The following MR1 variants were observed in gnomAD, a reference collection of about 807,000 sequenced individuals.
MR1 encodes major histocompatibility complex, class I-related.
A neutral mutation model predicts 37.8 loss-of-function variants in MR1; 44 were observed. That is an observed-to-expected ratio of 1.16 (90% CI 0.91 to 1.50). The LOEUF (loss-of-function observed/expected upper bound fraction) is 1.50. MR1 is among the 40% of genes most tolerant of loss of function. MR1 has a pLI of 0.00. For synonymous variants in MR1, 153 were observed against 155.8 expected (o/e 0.98, Z 0.13); for missense variants, 386 against 419.1 (o/e 0.92, Z 0.69).
intron 1 of MR1, among the ~76,000 whole-genome samples, chr1:181,042,215 T>C (rs982236958): frequency 6.6e-6 from 1 of 151,170 alleles, no homozygotes; most frequent in African/African-American, 2.4e-5. Context: ...TTTTTTTTTT[T>C]TTTTGAGATG....
chr1:181,053,571 A>C lies in MR1; in HGVS notation c.881-2A>C. ...GATTTTTTCTCATTTGCTTGCTTTC[A>C]GAATCAGAAACTATCCCTCTTGTGA... On this transcript the variant is annotated splice_acceptor_variant, in intron 4 of 5. Transcript: ENST00000367580. LOFTEE classifies it high-confidence loss of function. 6.2e-7 allele frequency: 1 copy of C among 1,610,772 alleles called. No individual in the cohort carries two copies. Among genetic ancestry groups the C allele is most frequent in the Non-Finnish European group, 8.5e-7 (1 of 1,177,066 alleles).
chr1:181,056,435 A>G lies in MR1; in HGVS notation c.*1170A>G, dbSNP rs552376892. 8 of 152,006 alleles carry G rather than the reference A, an allele frequency of 5.3e-5. No homozygotes were observed. Among genetic ancestry groups the G allele is most frequent in the African/African-American group, 1.9e-4 (8 of 41,472 alleles). The allele number at this position is 152,006 out of a possible 1,614,324, so 9.4% of individuals were successfully genotyped here. On this transcript the variant is annotated 3_prime_UTR_variant, in exon 6 of 6. Coordinates refer to ENST00000367580, the MANE Select transcript of MR1 (RefSeq NM_001385161.1). ...ATATTTGGTGTCAGGAGAGGGCTCA[A>G]TTCTCATTTCTGCCTTTCCTGTGCT...
intron 1 of MR1, 21 bp downstream of exon 1, chr1:181,034,095 T>C: frequency 6.2e-7 from 1 of 1,607,258 alleles, no homozygotes; most frequent in South Asian, 1.1e-5. Context: ...CACGTCCTCT[T>C]CTCTCCTAAC....
In MR1 at chr1:181,053,572, G is replaced by A; in HGVS notation, c.881-1G>A. ...ATTTTTTCTCATTTGCTTGCTTTCA[G>A]AATCAGAAACTATCCCTCTTGTGAT... is the stretch of plus-strand genomic sequence containing the variant. On this transcript the variant is annotated splice_acceptor_variant, in intron 4 of 5. Transcript: ENST00000367580. LOFTEE classifies it high-confidence loss of function. 6.2e-7 allele frequency: 1 copy of A among 1,611,132 alleles called. No homozygotes were observed. The highest frequency in any genetic ancestry group is 8.5e-7 in the Non-Finnish European group (1 of 1,177,432).
intron 1 of MR1, among the ~76,000 whole-genome samples, chr1:181,034,292 C>T (rs1400636876): frequency 6.6e-6 from 1 of 152,152 alleles, no homozygotes; most frequent in African/African-American, 2.4e-5. Flanking sequence ...GAGGGGGAGC[C>T]GTTCTAGAAA....
chr1:181,043,401 C>A (rs941439983), intron 1 of MR1, among the ~76,000 whole-genome samples: 1 of 152,190 alleles, frequency 6.6e-6, no homozygotes, highest in African/African-American at 2.4e-5. Flanking sequence ...CACCCCAGCT[C>A]CAGGAGCAAG....
intron 1 of MR1, chr1:181,036,888 C>T (rs916067524): frequency 7.2e-5 from 11 of 152,136 alleles, no homozygotes; most frequent in Non-Finnish European, 1.2e-4. Context: ...ATAGAGAGCT[C>T]GGGCAGTAAT....
chr1:181,058,770 T>A lies in MR1; in HGVS notation c.*3505T>A, dbSNP rs1658765515. 6.6e-6 allele frequency: 1 copy of A among 152,302 alleles called. No homozygotes were observed. Among genetic ancestry groups the A allele is most frequent in the East Asian group, 1.9e-4 (1 of 5,204 alleles). 9.4% of individuals were successfully genotyped at this position (152,302 alleles called of 1,614,324 possible). A position where few individuals can be genotyped will look rare whatever the true frequency, so the allele number is the denominator to read the frequency against. On this transcript the variant is annotated 3_prime_UTR_variant, in exon 6 of 6. Transcript: ENST00000367580. ...GGGTCTTTGTCCTCACATATGCAGG[T>A]CTAGTGTCCCCACAAAGTGATCAGA...
At chr1:181,054,419 G>A (rs922256674) in intron 5 of MR1, among the ~76,000 whole-genome samples, 1 of 152,166 alleles carries the variant, frequency 6.6e-6, no homozygotes, top group Admixed American at 6.5e-5. Flanking sequence ...GGATAGTACC[G>A]ATGAGACCAT....
At chr1:181,045,807 T>G (rs1049407369) in intron 1 of MR1, among the ~76,000 whole-genome samples, 1 of 152,138 alleles carries the variant, frequency 6.6e-6, no homozygotes, top group Admixed American at 6.5e-5. Context: ...CGGAGCCCGC[T>G]CCCGCAGCTT....
In MR1 at chr1:181,052,483, G is replaced by A. The variant is rs1217476510; in HGVS notation, c.853G>A (p.Val285Ile). The change falls in exon 4 of 6, where the codon GTC (valine) becomes ATC (isoleucine). Residue 285 changes from valine to isoleucine, a missense_variant. Physicochemically the swap from Val to Ile is conservative, Grantham distance 29. Transcript: ENST00000367580. ...CTCCTGTCATGTGGAGCACTGCGGT[G>A]TCCACATGGTTCTTCAGGTCCCCCA... The part of the protein sequence containing the change: ...LYSCHVEHCG[V>I]HMVLQVPQES... 2 of 1,613,010 alleles carry A rather than the reference G, an allele frequency of 1.2e-6. No homozygotes were observed. The highest frequency in any genetic ancestry group is 1.1e-5 in the South Asian group (1 of 91,072).
intron 1 of MR1, 116 bp from the exon 2 acceptor site, chr1:181,048,936 C>T (rs956255725): frequency 1.4e-5 from 18 of 1,316,790 alleles, no homozygotes; most frequent in Admixed American, 2.3e-5. Flanking sequence ...GCAGCTGGGG[C>T]GTGGAGGCCT....
At chr1:181,053,490 T>C (rs1658435670) in intron 4 of MR1, 83 bp from the exon 5 acceptor site, 2 of 1,004,012 alleles carry the variant, frequency 2.0e-6, no homozygotes, top group South Asian at 1.4e-5. Flanking sequence ...GGTTTCCTGA[T>C]GATCACAGGG....
intron 1 of MR1, among the ~76,000 whole-genome samples, chr1:181,038,671 C>T (rs190248725): frequency 6.6e-6 from 1 of 152,280 alleles, no homozygotes; most frequent in East Asian, 1.9e-4. Context: ...TGGAAAGCTT[C>T]CCCTACACTA....
intron 1 of MR1, among the ~76,000 whole-genome samples, chr1:181,038,178 C>G (rs554026009): frequency 6.6e-6 from 1 of 152,216 alleles, no homozygotes; most frequent in Non-Finnish European, 1.5e-5. Context: ...TGAAGTGAGA[C>G]ATTGGCAACC....
intron 5 of MR1, 36 bp downstream of exon 5, chr1:181,053,713 G>A (rs367826683): frequency 7.1e-7 from 1 of 1,410,050 alleles, no homozygotes. Context: ...GGGGGCTGCA[G>A]ACTCTCCTGC....
At chr1:181,048,605 G>C (rs974216482) in intron 1 of MR1, among the ~76,000 whole-genome samples, 1 of 152,154 alleles carries the variant, frequency 6.6e-6, no homozygotes, top group Admixed American at 6.5e-5. Context: ...CACACACAGA[G>C]GTGGAGTGGG....
chr1:181,033,543 T>C (rs1657117843), upstream of MR1: 1 of 153,700 alleles, frequency 6.5e-6, no homozygotes. Flanking sequence ...CGGGACAATC[T>C]AAGTGACACC....
chr1:181,050,957 G>T (rs1196249944), intron 3 of MR1: 1 of 151,940 alleles, frequency 6.6e-6, no homozygotes, highest in Non-Finnish European at 1.5e-5. Context: ...ATCAGCCTGG[G>T]TCACAGAGCA....
Sources: allele counts gnomAD v4.1 joint callset (sites outside exome capture counted in the v4.1 genomes callset), GRCh38; gene constraint gnomAD v4.1.1; transcripts MANE v1.5; gene names NCBI Gene and HGNC (gene_info 2026-07-23, HGNC 2026-07-21).